The following RASAL2 variants were observed in gnomAD, a reference collection of about 807,000 sequenced individuals.
RASAL2 encodes the protein ras GTPase-activating protein nGAP.
In RASAL2, 58 loss-of-function variants were observed where a neutral mutation model predicts 128.9. The observed-to-expected ratio is 0.45, with a 90% CI of 0.36 to 0.56. The LOEUF (loss-of-function observed/expected upper bound fraction) is 0.56, where lower values mean the gene tolerates loss of function less well. Ranked by LOEUF, RASAL2 falls within the 20% of genes least tolerant of loss-of-function variation. The probability of loss-of-function intolerance (pLI) is 0.00; values close to 1 mark genes in which losing one functional copy is unlikely to be tolerated. For synonymous variants in RASAL2, 561 were observed against 580.8 expected (o/e 0.97, Z 0.49); for missense variants, 1,360 against 1,601.6 (o/e 0.85, Z 2.57).
intron 1 of RASAL2, among the ~76,000 whole-genome samples, chr1:178,227,701 T>C (rs996720939): frequency 3.9e-5 from 6 of 152,234 alleles, no homozygotes; most frequent in African/African-American, 4.8e-5. Context: ...ATTCAGAGAA[T>C]TTAAATGTCA....
chr1:178,103,743 G>A (rs540445638), intron 1 of RASAL2, among the ~76,000 whole-genome samples: 1 of 152,054 alleles, frequency 6.6e-6, no homozygotes, highest in African/African-American at 2.4e-5. Flanking sequence ...ATTAAGCAAA[G>A]CATACTAAGG....
At chr1:178,291,126 G>C (rs1279533809) in intron 2 of RASAL2, among the ~76,000 whole-genome samples, 1 of 152,188 alleles carries the variant, frequency 6.6e-6, no homozygotes, top group Non-Finnish European at 1.5e-5. Flanking sequence ...AAGGGCTCAT[G>C]AGGAGAAAAA....
intron 4 of RASAL2, among the ~76,000 whole-genome samples, chr1:178,400,286 A>G (rs749669913): frequency 2.0e-5 from 3 of 152,132 alleles, no homozygotes; most frequent in Non-Finnish European, 4.4e-5. Context: ...AACAAATCTG[A>G]GAGTTCCCCA....
chr1:178,343,727 G>A (rs775490707), intron 3 of RASAL2, among the ~76,000 whole-genome samples: 15 of 151,858 alleles, frequency 9.9e-5, no homozygotes, highest in Non-Finnish European at 1.8e-4. Flanking sequence ...AATACTCAAA[G>A]GAAACACACT....
At chr1:178,191,300 T>C (rs1244320169) in intron 1 of RASAL2, among the ~76,000 whole-genome samples, 2 of 151,932 alleles carry the variant, frequency 1.3e-5, no homozygotes, top group African/African-American at 2.4e-5. Flanking sequence ...AATTTCAGTA[T>C]GTTGTGAGCC....
chr1:178,395,983 A>T (rs1176316764), intron 4 of RASAL2, among the ~76,000 whole-genome samples: 2 of 151,884 alleles, frequency 1.3e-5, no homozygotes, highest in African/African-American at 4.8e-5. Context: ...TCTAATGATA[A>T]ATATCTTAGA....
intron 9 of RASAL2, among the ~76,000 whole-genome samples, chr1:178,448,433 CATT>C (rs1041067336): frequency 1.3e-5 from 2 of 152,134 alleles, no homozygotes; most frequent in African/African-American, 4.8e-5. Context: ...GAAGCAGACA[CATT>C]ATAGTAGCTA....
chr1:178,236,715 A>C (rs1182434824), intron 1 of RASAL2, among the ~76,000 whole-genome samples: 4 of 148,390 alleles, frequency 2.7e-5, no homozygotes, highest in Non-Finnish European at 5.9e-5. Context: ...GCTTTTACTT[A>C]TGAGCAAAAC....
chr1:178,219,932 G>C (rs1663558913), intron 1 of RASAL2, among the ~76,000 whole-genome samples: 1 of 152,062 alleles, frequency 6.6e-6, no homozygotes. Context: ...AATAGGGGCG[G>C]GTGGATCCCT....
intron 1 of RASAL2, among the ~76,000 whole-genome samples, chr1:178,190,511 A>C (rs935077106): frequency 5.9e-5 from 9 of 152,132 alleles, no homozygotes; most frequent in African/African-American, 1.7e-4. Flanking sequence ...TATGAACTGC[A>C]TTGGTGTACT....
chr1:178,106,339 C>G (rs1339418336), intron 1 of RASAL2, among the ~76,000 whole-genome samples: 1 of 152,178 alleles, frequency 6.6e-6, no homozygotes, highest in Non-Finnish European at 1.5e-5. Context: ...AGATTTCCCT[C>G]CATGGTTCCC....
intron 1 of RASAL2, among the ~76,000 whole-genome samples, chr1:178,196,495 A>G (rs1039002646): frequency 3.3e-4 from 51 of 152,326 alleles, no homozygotes; most frequent in African/African-American, 1.2e-3. Context: ...ATTAGGGGAA[A>G]AAATTCCAGA....
intron 3 of RASAL2, chr1:178,389,414 A>C (rs1557949907): frequency 1.0e-5 from 3 of 300,184 alleles, no homozygotes; most frequent in Non-Finnish European, 1.5e-5. Context: ...TGTAGCCTTA[A>C]TACAGTATAT....
At chr1:178,297,249 C>T (rs1383747944) in intron 2 of RASAL2, among the ~76,000 whole-genome samples, 1 of 151,922 alleles carries the variant, frequency 6.6e-6, no homozygotes, top group Non-Finnish European at 1.5e-5. Context: ...TTTGAAATTA[C>T]TTGAAATAGG....
chr1:178,458,908 T>C (rs1677978774), intron 14 of RASAL2, among the ~76,000 whole-genome samples: 1 of 152,210 alleles, frequency 6.6e-6, no homozygotes, highest in African/African-American at 2.4e-5. Context: ...AATTAATCCT[T>C]CTTAATTTTT....
chr1:178,166,542 G>A (rs1405905909), intron 1 of RASAL2, among the ~76,000 whole-genome samples: 1 of 152,068 alleles, frequency 6.6e-6, no homozygotes, highest in Non-Finnish European at 1.5e-5. Flanking sequence ...GATATATTTT[G>A]TATATCTTAT....
intron 3 of RASAL2, among the ~76,000 whole-genome samples, chr1:178,356,602 T>G (rs562808690): frequency 1.3e-5 from 2 of 152,170 alleles, no homozygotes; most frequent in African/African-American, 2.4e-5. Context: ...TTATACTATT[T>G]ATATAAAATT....
chr1:178,306,404 T>C (rs1488081721), intron 3 of RASAL2, among the ~76,000 whole-genome samples: 2 of 152,198 alleles, frequency 1.3e-5, no homozygotes, highest in Non-Finnish European at 2.9e-5. Context: ...GTCCTTTGGG[T>C]ATATACCCAG....
intron 3 of RASAL2, among the ~76,000 whole-genome samples, chr1:178,306,166 C>G (rs946178285): frequency 6.6e-6 from 1 of 152,094 alleles, no homozygotes; most frequent in Non-Finnish European, 1.5e-5. Context: ...TTTGTTCTTG[C>G]GATAGTTTAC....
Sources: gnomAD v4.1 joint callset for allele counts (sites outside exome capture counted in the v4.1 genomes callset) on GRCh38, gnomAD v4.1.1 for gene constraint, MANE v1.5 for transcripts, NCBI Gene and HGNC (gene_info 2026-07-23, HGNC 2026-07-21) for gene names.